SLC25A45: variants seen among roughly 807,000 people sequenced by gnomAD.
The protein encoded by SLC25A45 is solute carrier family 25 member 45.
A neutral mutation model predicts 23.0 loss-of-function variants in SLC25A45; 22 were observed. The observed-to-expected ratio is 0.95, with a 90% CI of 0.68 to 1.36. The LOEUF is 1.36. SLC25A45 is among the 40% of genes most tolerant of loss of function. The probability of loss-of-function intolerance (pLI) is 0.00; values close to 1 mark genes in which losing one functional copy is unlikely to be tolerated. For missense variants in SLC25A45, 355 were observed against 383.5 expected, an observed-to-expected ratio of 0.93 and a Z score of 0.62; for synonymous variants, 136 against 155.0, an observed-to-expected ratio of 0.88 and a Z score of 0.91.
Position 65,379,461 on chromosome 11 carries a change from G to T in SLC25A45, c.254C>A (p.Thr85Lys). 1 of 1,614,048 alleles carries T rather than the reference G, an allele frequency of 6.2e-7. No individual in the cohort carries two copies. The change falls in exon 5 of 7, where the codon ACG becomes AAG. Residue 85 changes from threonine to lysine, a missense_variant. Thr to Lys is a moderately conservative substitution (Grantham distance 78). Coordinates refer to ENST00000398802, the MANE Select transcript of SLC25A45 (RefSeq NM_182556.4). ...CCGCCGCTCCTGGTGGGAGGTGGCC[G>T]TGAGCACCAGCAGGGTGTTGCTATA... Reference protein sequence around the residue: ...GVYSNTLLVLTATSHQERRAQ... With the variant: ...GVYSNTLLVLKATSHQERRAQ...
At chr11:65,379,012 C>G in intron 5 of SLC25A45, 1 of 285,094 alleles carries the variant, frequency 3.5e-6, no homozygotes, top group Non-Finnish European at 6.8e-6. Context: ...GCTCACAGCT[C>G]TGCGGGGTGC....
intron 5 of SLC25A45, 138 bp downstream of exon 5, chr11:65,379,238 G>T: frequency 1.0e-6 from 1 of 966,098 alleles, no homozygotes; most frequent in Non-Finnish European, 1.5e-6. Context: ...AGCCTGGAAG[G>T]CCATAGCACA....
rs1294601089 is a variant in SLC25A45 at position 65,379,291 on chromosome 11, T to TGGGTCGCCAGGGCAGGGTGGGAGAGGA, written c.339+58_339+84dup. The TGGGTCGCCAGGGCAGGGTGGGAGAGGA allele has an allele frequency of 6.6e-6, 10 of 1,505,072 alleles. No homozygotes were observed. The African/African-American group carries it at 1.2e-4, about 19-fold the overall frequency. The allele number at this position is 1,505,072 out of a possible 1,614,324, so 93.2% of individuals were successfully genotyped here. On this transcript the variant is annotated intron_variant, in intron 5 of 6. Transcript: ENST00000398802. ...CAAGAGGCCTATGCCTCCACAGCTG[T>TGGGTCGCCAGGGCAGGGTGGGAGAGGA]GGGTCGCCAGGGCAGGGTGGGAGAG...
At chr11:65,382,800 G>C (rs1056377870), upstream of SLC25A45, 12 of 152,314 alleles carry the variant, frequency 7.9e-5, no homozygotes, top group African/African-American at 2.7e-4. This position sits in a 1 kb window ranked among gnomAD's most constrained non-coding sequence, Gnocchi z 4.4. Context: ...CAGGCCTGTG[G>C]ACTGGCTCTT....
chr11:65,381,301 T>C (rs1855541481), intron 2 of SLC25A45: 1 of 153,662 alleles, frequency 6.5e-6, no homozygotes, highest in Non-Finnish European at 1.5e-5. Flanking sequence ...TGGCTAATTT[T>C]TGTATTTTTA....
chr11:65,379,755 A>C (rs1378065448), intron 4 of SLC25A45, 112 bp downstream of exon 4: 1 of 1,431,866 alleles, frequency 7.0e-7, no homozygotes, highest in African/African-American at 1.4e-5. Flanking sequence ...AGGATCCCAG[A>C]CTTGGTCTTC....
intron 4 of SLC25A45, 131 bp from the exon 5 acceptor site, chr11:65,379,692 G>A (rs956747430): frequency 3.2e-6 from 4 of 1,259,226 alleles, no homozygotes; most frequent in East Asian, 5.0e-5. Flanking sequence ...GGACAGGCAG[G>A]GATGGGCTGA....
intron 4 of SLC25A45, 107 bp from the exon 5 acceptor site, chr11:65,379,668 C>A: frequency 7.5e-7 from 1 of 1,332,774 alleles, no homozygotes. Flanking sequence ...CCAAGTCCTG[C>A]CACAGGGAAG....
chr11:65,376,691 C>T lies in SLC25A45; in HGVS notation c.599-16G>A. 6.2e-7 allele frequency: 1 copy of T among 1,613,442 alleles called. No homozygotes were observed. Among genetic ancestry groups the T allele is most frequent in the South Asian group, 1.1e-5 (1 of 91,064 alleles). On this transcript the variant is annotated splice_polypyrimidine_tract_variant and intron_variant, in intron 6 of 6. Transcript: ENST00000398802. ...GTGGCTGAGCCTGGGGCAGAGAGAGCCCAGAGCAGGGGTCAGACCCAGAAC... is the reference window on the plus strand; with the variant it reads ...GTGGCTGAGCCTGGGGCAGAGAGAGTCCAGAGCAGGGGTCAGACCCAGAAC...
Position 65,376,689 on chromosome 11 carries a change from A to G in SLC25A45, c.599-14T>C. On this transcript the variant is annotated splice_polypyrimidine_tract_variant and intron_variant, in intron 6 of 6. Coordinates refer to ENST00000398802, the MANE Select transcript of SLC25A45 (RefSeq NM_182556.4). Reference sequence around the variant, plus strand: ...CCGTGGCTGAGCCTGGGGCAGAGAGAGCCCAGAGCAGGGGTCAGACCCAGA... The same window carrying G: ...CCGTGGCTGAGCCTGGGGCAGAGAGGGCCCAGAGCAGGGGTCAGACCCAGA... The G allele has an allele frequency of 1.2e-6, 2 of 1,613,596 alleles. No individual in the cohort carries two copies. The highest frequency in any genetic ancestry group is 1.3e-5 in the African/African-American group (1 of 75,036).
chr11:65,376,378 A>T lies in SLC25A45; in HGVS notation c.*29T>A. ...AACTGGCCTCCAGGCCGTGGGCCTG[A>T]TGGGGAGCTGCTGGCATTGCCGCAG... On this transcript the variant is annotated 3_prime_UTR_variant, in exon 7 of 7. Coordinates refer to ENST00000398802, the MANE Select transcript of SLC25A45 (RefSeq NM_182556.4). 6.2e-7 allele frequency: 1 copy of T among 1,605,326 alleles called. No individual in the cohort carries two copies. The highest frequency in any genetic ancestry group is 8.5e-7 in the Non-Finnish European group (1 of 1,172,920).
At chr11:65,381,990 G>A in intron 1 of SLC25A45, 21 bp from the exon 2 acceptor site, 2 of 1,572,516 alleles carry the variant, frequency 1.3e-6, no homozygotes, top group Non-Finnish European at 1.8e-6. Flanking sequence ...CAGCAGAGGA[G>A]ACAGAGTTGA....
rs1342792760 is a variant in SLC25A45 at position 65,379,742 on chromosome 11, C to A, written c.153+125G>T. Reference sequence around the variant, plus strand: ...GGTGCTAAGCTACCACCCAGGCCCCCCAAGGATCCCAGACTTGGTCTTCTC... The same window carrying A: ...GGTGCTAAGCTACCACCCAGGCCCCACAAGGATCCCAGACTTGGTCTTCTC... On this transcript the variant is annotated intron_variant, in intron 4 of 6. Coordinates refer to ENST00000398802, the MANE Select transcript of SLC25A45 (RefSeq NM_182556.4). The A allele has an allele frequency of 8.8e-6, 12 of 1,366,364 alleles. No homozygotes were observed. In the South Asian group the frequency reaches 8.9e-5, roughly 10 times the overall value. 84.6% of individuals were successfully genotyped at this position (1,366,364 alleles called of 1,614,324 possible). A position where few individuals can be genotyped will look rare whatever the true frequency, so the allele number is the denominator to read the frequency against.
intron 5 of SLC25A45, chr11:65,379,113 G>A (rs891684452): frequency 3.6e-5 from 17 of 476,002 alleles, no homozygotes; most frequent in Admixed American, 3.8e-5. Flanking sequence ...GGCAAGCCCC[G>A]TCAGCTGGAG....
chr11:65,380,450 G>A (rs929890238), intron 2 of SLC25A45: 10 of 1,128,474 alleles, frequency 8.9e-6, no homozygotes, highest in South Asian at 7.3e-5. Flanking sequence ...AGCCAAAGAC[G>A]TACGTGTCCT....
At position 65,376,490 on chromosome 11, in the gene SLC25A45, C is replaced by A. The variant is rs1855184277; in HGVS notation, c.784G>T (p.Val262Phe). 2 of 1,614,074 alleles carry A rather than the reference C, an allele frequency of 1.2e-6. No homozygotes were observed. The highest frequency in any genetic ancestry group is 1.7e-6 in the Non-Finnish European group (2 of 1,179,990). ...QEGLGVFFRG[V>F]TINSARAFPV... The stretch of plus-strand genomic sequence containing the variant: ...AAGGCGCGGGCACTGTTGATGGTGA[C>A]CCCCCGGAAGAAGACTCCCAGTCCT... The change falls in exon 7 of 7, where the codon GTC becomes TTC. Residue 262 changes from valine (V) to phenylalanine (F), a missense_variant. By Grantham distance (50) the Val-to-Phe change is conservative. Transcript: ENST00000398802.
chr11:65,377,003 C>G lies in SLC25A45; in HGVS notation c.413G>C (p.Gly138Ala), dbSNP rs756484186. Residue 138 changes from glycine to alanine, a missense_variant, in exon 6 of 7, where the codon GGG becomes GCG. By Grantham distance (60) the Gly-to-Ala change is moderately conservative. Coordinates refer to ENST00000398802, the MANE Select transcript of SLC25A45 (RefSeq NM_182556.4). ...QNQTEPRAQP[G>A]SPPPRYQGPV... ...CCCCTGGTACCGGGGTGGGGGGCTC[C>G]CTGGCTGGGCCCTTGGCTCTGTCTG... The G allele has an allele frequency of 1.2e-6, 2 of 1,613,684 alleles. No homozygotes were observed. The highest frequency in any genetic ancestry group is 1.3e-5 in the African/African-American group (1 of 74,914).
In SLC25A45 at chr11:65,379,411, T is replaced by A; in HGVS notation, c.304A>T (p.Ile102Phe). Reference protein sequence around the residue: ...RRAQPPSYMHIFLAGCTGGFL... With the variant: ...RRAQPPSYMHFFLAGCTGGFL... Reference sequence around the variant, plus strand: ...CCCCCGGTGCAGCCCGCTAGGAAGATGTGCATGTAGCTGGGCGGCTGGGCC... The same window carrying A: ...CCCCCGGTGCAGCCCGCTAGGAAGAAGTGCATGTAGCTGGGCGGCTGGGCC... Residue 102 changes from isoleucine (I) to phenylalanine (F), a missense_variant, in exon 5 of 7, where the codon ATC becomes TTC. Transcript: ENST00000398802. 1 of 1,612,640 alleles carries A rather than the reference T, an allele frequency of 6.2e-7. No homozygotes were observed. Among genetic ancestry groups the A allele is most frequent in the South Asian group, 1.1e-5 (1 of 91,078 alleles).
At position 65,379,534 on chromosome 11, in the gene SLC25A45, A is replaced by G. The variant is rs142883625; in HGVS notation, c.181T>C (p.Phe61Leu). The G allele has an allele frequency of 6.7e-5, 108 of 1,611,544 alleles. 1 individual carries two copies. The East Asian group carries it at 2.4e-3, about 36-fold the overall frequency. The change falls in exon 5 of 7, where the codon TTC becomes CTC. Residue 61 changes from phenylalanine (F) to leucine (L), a missense_variant. Phe to Leu is a conservative substitution (Grantham distance 22). Transcript: ENST00000398802. ...SLLGFFKGMS[F>L]PIASIAVVNS... Reference sequence around the variant, plus strand: ...ACCACAGCTATGCTGGCAATGGGGAAGCTCATTCCCTTGAAGAAGCCCAGG... The same window carrying G: ...ACCACAGCTATGCTGGCAATGGGGAGGCTCATTCCCTTGAAGAAGCCCAGG...
Sources: gnomAD v4.1 joint callset for allele counts on GRCh38, gnomAD v4.1.1 for gene constraint, Gnocchi (gnomAD v3.1) non-coding constraint, MANE v1.5 for transcripts, NCBI Gene and HGNC (gene_info 2026-07-23, HGNC 2026-07-21) for gene names.